FKBP6: variants seen among roughly 807,000 people sequenced by gnomAD.
FKBP6 encodes the protein inactive peptidyl-prolyl cis-trans isomerase FKBP6.
FKBP6 carries 29 observed loss-of-function variants against 41.7 expected under a neutral mutation model. That is an observed-to-expected ratio of 0.70 (90% CI 0.52 to 0.95). The LOEUF (loss-of-function observed/expected upper bound fraction) is 0.95. Among genes scored for constraint, FKBP6 ranks in the 40% least tolerant of loss-of-function variants. The pLI is 0.00. For missense variants in FKBP6, 338 were observed against 408.7 expected, an observed-to-expected ratio of 0.83 and a Z score of 1.49; for synonymous variants, 130 against 165.1, an observed-to-expected ratio of 0.79 and a Z score of 1.63.
chr7:73,349,370 G>A (rs926537517), intron 8 of FKBP6, among the ~76,000 whole-genome samples: 2 of 147,964 alleles, frequency 1.4e-5, no homozygotes, highest in Non-Finnish European at 3.0e-5. Flanking sequence ...ACACCACTGC[G>A]CTCCAGCCTG....
chr7:73,353,417 C>G (rs1315232533), intron 8 of FKBP6, among the ~76,000 whole-genome samples: 1 of 152,204 alleles, frequency 6.6e-6, no homozygotes, highest in Non-Finnish European at 1.5e-5. Flanking sequence ...AGAGATAACT[C>G]AGCACTCTGC....
intron 5 of FKBP6, among the ~76,000 whole-genome samples, chr7:73,338,559 TTCC>T (rs1805077522): frequency 6.6e-6 from 1 of 152,222 alleles, no homozygotes; most frequent in Non-Finnish European, 1.5e-5. Context: ...GCCAAACTGC[TTCC>T]TACAGCAGCT....
intron 8 of FKBP6, among the ~76,000 whole-genome samples, chr7:73,355,081 C>T (rs782074783): frequency 5.9e-5 from 9 of 152,192 alleles, no homozygotes; most frequent in Admixed American, 6.5e-5. Context: ...TTATGTTGTG[C>T]GATTATGGTG....
At chr7:73,332,065 C>T (rs191397941) in intron 5 of FKBP6, among the ~76,000 whole-genome samples, 18 of 152,090 alleles carry the variant, frequency 1.2e-4, no homozygotes, top group Admixed American at 2.0e-4. Context: ...AGAGTTTCAC[C>T]GTGTTAGCCA....
At chr7:73,348,520 T>C (rs1399506639) in intron 8 of FKBP6, among the ~76,000 whole-genome samples, 1 of 152,146 alleles carries the variant, frequency 6.6e-6, no homozygotes, top group Admixed American at 6.5e-5. Context: ...ACCAGACATG[T>C]AGGGATTTTC....
intron 8 of FKBP6, among the ~76,000 whole-genome samples, chr7:73,344,084 A>G (rs1004829314): frequency 2.6e-5 from 4 of 152,168 alleles, no homozygotes; most frequent in African/African-American, 4.8e-5. Flanking sequence ...TTTGGAGTAC[A>G]TATTTGCAGG....
At chr7:73,336,655 C>T (rs1805013404) in intron 5 of FKBP6, 2 of 430,198 alleles carry the variant, frequency 4.6e-6, no homozygotes, top group South Asian at 1.6e-5. Flanking sequence ...AACAGGGGTC[C>T]ACCTCCCCCG....
chr7:73,353,737 C>CT (rs143724446), intron 8 of FKBP6, among the ~76,000 whole-genome samples: 1,835 of 144,484 alleles, frequency 0.013, 24 homozygotes, highest in African/African-American at 0.037. Context: ...TTTTTTTCTT[C>CT]TTTTTTTTTT....
At position 73,342,832 on chromosome 7, in the gene FKBP6, G is replaced by A; in HGVS notation, c.919G>A (p.Glu307Lys). The change falls in exon 8 of 9, where the codon GAG becomes AAG. Residue 307 changes from glutamate to lysine, a missense_variant. Glu to Lys is a moderately conservative substitution (Grantham distance 56). This residue lies in a region of FKBP6 where 239 missense variants were observed against 250.1 expected (regional missense o/e 0.96). Coordinates refer to ENST00000252037, the MANE Select transcript of FKBP6 (RefSeq NM_003602.5). ...CTGTTACAGGGACTATGTGGATAAA[G>A]AGAAAGAAATGTGGCACCGCATGTT... The part of the protein sequence containing the change: ...ASCYRDYVDK[E>K]KEMWHRMFAP... The A allele has an allele frequency of 6.2e-7, 1 of 1,613,856 alleles. No individual in the cohort carries two copies.
At chr7:73,345,780 A>G (rs1323297102) in intron 8 of FKBP6, among the ~76,000 whole-genome samples, 7 of 152,282 alleles carry the variant, frequency 4.6e-5, no homozygotes, top group Admixed American at 1.3e-4. Context: ...ATGTCCTGCC[A>G]TGAGTTCTCC....
At chr7:73,334,131 T>C (rs2115851441) in intron 5 of FKBP6, among the ~76,000 whole-genome samples, 1 of 152,226 alleles carries the variant, frequency 6.6e-6, no homozygotes, top group Non-Finnish European at 1.5e-5. Context: ...AAAAAAATCT[T>C]ACTACTACTT....
intron 8 of FKBP6, among the ~76,000 whole-genome samples, chr7:73,348,059 C>T (rs181751050): frequency 3.9e-5 from 6 of 152,234 alleles, no homozygotes; most frequent in Non-Finnish European, 8.8e-5. Flanking sequence ...TTTTAAGAGC[C>T]GAGAAATTCC....
chr7:73,346,627 C>A (rs1554550315), intron 8 of FKBP6, among the ~76,000 whole-genome samples: 1 of 152,114 alleles, frequency 6.6e-6, no homozygotes, highest in Non-Finnish European at 1.5e-5. Flanking sequence ...CTCTGAGGGG[C>A]TAAAGGGGCA....
In FKBP6 at chr7:73,351,143, G is replaced by A. The variant is rs1003649184; in HGVS notation, c.*3-7038G>A. On this transcript the variant is annotated intron_variant, in intron 8 of 8. Coordinates refer to ENST00000252037, the MANE Select transcript of FKBP6 (RefSeq NM_003602.5). ...CACCCAGGCTGGAGTACAGTGGCGC[G>A]ATCTCAGCTCACTGCAACGTTCGCC... Among the ~76,000 whole-genome samples the A allele has an allele frequency of 4.6e-5, 7 of 151,888 alleles. 1 individual carries two copies. Among genetic ancestry groups the A allele is most frequent in the Admixed American group, 3.9e-4 (6 of 15,244 alleles).
intron 3 of FKBP6, 119 bp from the exon 4 acceptor site, chr7:73,330,031 G>A: frequency 1.3e-6 from 1 of 750,912 alleles, no homozygotes; most frequent in Non-Finnish European, 2.4e-6. Flanking sequence ...GCAGGAAGAG[G>A]GAACTGTGTG....
rs1554547428 is a variant in FKBP6, at chr7:73,330,267, C to T, written c.383C>T (p.Pro128Leu). 2.5e-6 allele frequency: 4 copies of T among 1,614,106 alleles called. No homozygotes were observed. The highest frequency in any genetic ancestry group is 3.4e-6 in the Non-Finnish European group (4 of 1,179,968). Residue 128 changes from proline (P) to leucine (L), a missense_variant, in exon 4 of 9, where the codon CCC becomes CTC. Around this residue, in one of 2 missense-constraint regions of FKBP6, gnomAD observed 239 missense variants for 250.1 expected, o/e 0.96. Transcript: ENST00000252037. ...YGTLGCPPLI[P>L]PNTTVLFEIE... is the part of the protein sequence containing the mutation. ...ACGCTGGGCTGCCCTCCCTTGATCCCCCCAAACACCACTGTCCTGTTTGAG... is the reference window on the plus strand; with the variant it reads ...ACGCTGGGCTGCCCTCCCTTGATCCTCCCAAACACCACTGTCCTGTTTGAG...
At chr7:73,331,311 G>C (rs1293646851) in intron 4 of FKBP6, among the ~76,000 whole-genome samples, 2 of 152,172 alleles carry the variant, frequency 1.3e-5, no homozygotes, top group Non-Finnish European at 2.9e-5. Flanking sequence ...GATTCCATGG[G>C]ACACTGCTTC....
intron 5 of FKBP6, among the ~76,000 whole-genome samples, chr7:73,334,591 C>G (rs192480513): frequency 4.5e-4 from 68 of 152,268 alleles, no homozygotes; most frequent in African/African-American, 1.5e-3. Flanking sequence ...AAAGATCAGT[C>G]TGGGCACCAT....
intron 8 of FKBP6, among the ~76,000 whole-genome samples, chr7:73,343,992 G>A (rs1805269086): frequency 1.3e-5 from 2 of 152,230 alleles, no homozygotes; most frequent in African/African-American, 2.4e-5. Flanking sequence ...TTTCAGATGC[G>A]CCCACCAGCA....
Sources: gnomAD v4.1 joint callset for allele counts (sites outside exome capture counted in the v4.1 genomes callset) on GRCh38, gnomAD v4.1.1 for gene constraint, gnomAD v4.1.1 regional missense constraint, MANE v1.5 for transcripts, NCBI Gene and HGNC (gene_info 2026-07-23, HGNC 2026-07-21) for gene names.